The following WDR11 variants were observed in gnomAD, a reference collection of about 807,000 sequenced individuals.
WDR11 encodes the protein WD repeat domain 11, also known as WD repeat-containing protein 11.
In WDR11, 83 loss-of-function variants were observed where a neutral mutation model predicts 151.2. That is an observed-to-expected ratio of 0.55 (90% CI 0.46 to 0.66). The LOEUF (loss-of-function observed/expected upper bound fraction) is 0.66. Among genes scored for constraint, WDR11 ranks in the 30% least tolerant of loss-of-function variants. WDR11 has a pLI of 0.00. For missense variants in WDR11, 1,301 were observed against 1,480.9 expected, an observed-to-expected ratio of 0.88 and a Z score of 1.99; for synonymous variants, 484 against 533.1, an observed-to-expected ratio of 0.91 and a Z score of 1.27.
At chr10:120,886,627 A>C in intron 15 of WDR11, 62 bp from the exon 16 acceptor site, 1 of 1,585,782 alleles carries the variant, frequency 6.3e-7, no homozygotes, top group Non-Finnish European at 8.6e-7. Flanking sequence ...AAGTTAATTA[A>C]TTATGAGTAT....
At chr10:120,874,176 G>GGTTTTTT (rs777721880) in intron 11 of WDR11, among the ~76,000 whole-genome samples, 2 of 83,492 alleles carry the variant, frequency 2.4e-5, no homozygotes, top group African/African-American at 9.8e-5. Flanking sequence ...GGTTTTTGCA[G>GGTTTTTT]TTTTTTTTTT....
At chr10:120,866,931 T>G (rs1236789139) in intron 8 of WDR11, 135 bp from the exon 9 acceptor site, 1 of 1,042,990 alleles carries the variant, frequency 9.6e-7, no homozygotes, top group Non-Finnish European at 1.4e-6. Flanking sequence ...GCTAGAGCTA[T>G]TTCACCTATG....
At position 120,885,796 on chromosome 10, in the gene WDR11, T is replaced by A; in HGVS notation, c.1849-18T>A. 1 of 1,613,402 alleles carries A rather than the reference T, an allele frequency of 6.2e-7. No individual in the cohort carries two copies. Among genetic ancestry groups the A allele is most frequent in the Non-Finnish European group, 8.5e-7 (1 of 1,179,460 alleles). On this transcript the variant is annotated intron_variant, in intron 14 of 28. Transcript: ENST00000263461. Reference sequence around the variant, plus strand: ...AGGAAACCTAGCACTTCTAGGTTTGTCTGCATTTGCTTTACAGGAGTGGTC... The same window carrying A: ...AGGAAACCTAGCACTTCTAGGTTTGACTGCATTTGCTTTACAGGAGTGGTC...
intron 15 of WDR11, 22 bp from the exon 16 acceptor site, chr10:120,886,667 C>CAT (rs747021926): frequency 6.2e-7 from 1 of 1,611,554 alleles, no homozygotes; most frequent in African/African-American, 1.3e-5. Flanking sequence ...ACATCTTTAT[C>CAT]ATATGTTTCA....
Position 120,908,663 on chromosome 10 carries a change from G to GACTTATTGA in WDR11, c.3627_3635dup (p.Leu1210_Asn1212dup), listed in dbSNP as rs780983257. ...TTCAAAAGCCGGAGCAGCTGGCAAA[G>GACTTATTGA]ACTTATTGAATGAGCTTGAGTCCCC... is the stretch of plus-strand genomic sequence containing the variant. On this transcript the variant is annotated inframe_insertion, in exon 29 of 29. Transcript: ENST00000263461. 3 of 1,614,196 alleles carry GACTTATTGA rather than the reference G, an allele frequency of 1.9e-6. No individual in the cohort carries two copies. The highest frequency in any genetic ancestry group is 2.5e-6 in the Non-Finnish European group (3 of 1,180,030).
At chr10:120,885,274 T>TACAC (rs1456456025) in intron 14 of WDR11, 1,281 of 85,434 alleles carry the variant, frequency 0.015, 18 homozygotes, top group East Asian at 0.09. Context: ...GGATGAAGTA[T>TACAC]ATATATATAT....
In WDR11 at chr10:120,890,002, C is replaced by A; in HGVS notation, c.2336C>A (p.Thr779Asn). 6.2e-7 allele frequency: 1 copy of A among 1,601,966 alleles called. No individual in the cohort carries two copies. Among genetic ancestry groups the A allele is most frequent in the Non-Finnish European group, 8.6e-7 (1 of 1,169,170 alleles). ...MYNDGAEVWDTKEVQMVSSLR... is the reference protein window; with the variant it reads ...MYNDGAEVWDNKEVQMVSSLR... ...AATGATGGAGCTGAAGTGTGGGATA[C>A]TAAAGAGGTAGGCCCTCTCCATGAG... Residue 779 changes from threonine (T) to asparagine (N), a missense_variant, in exon 18 of 29, where the codon ACT (threonine) becomes AAT (asparagine). This residue lies in a region of WDR11 where 589 missense variants were observed against 670.6 expected (regional missense o/e 0.88). Coordinates refer to ENST00000263461, the MANE Select transcript of WDR11 (RefSeq NM_018117.12).
chr10:120,890,460 C>T (rs371764108), intron 18 of WDR11, among the ~76,000 whole-genome samples: 2 of 152,144 alleles, frequency 1.3e-5, no homozygotes, highest in African/African-American at 2.4e-5. Context: ...GTGATCTGCC[C>T]GCCTCAGCCT....
Position 120,873,883 on chromosome 10 carries a change from C to G in WDR11, c.1516C>G (p.Leu506Val). 6.2e-7 allele frequency: 1 copy of G among 1,613,312 alleles called. No homozygotes were observed. The change falls in exon 11 of 29, where the codon CTG becomes GTG. Residue 506 changes from leucine (L) to valine (V), a missense_variant. Transcript: ENST00000263461. ...SVLVYHLTSG[L>V]LHKELSIHSC... ...CCTGGTGTACCATCTCACCAGTGGT[C>G]TGCTACACAAAGAGTTAAGCATCCA...
chr10:120,865,755 G>T lies in WDR11; in HGVS notation c.994+11G>T. The T allele has an allele frequency of 6.5e-7, 1 of 1,531,088 alleles. No individual in the cohort carries two copies. Among genetic ancestry groups the T allele is most frequent in the Non-Finnish European group, 9.0e-7 (1 of 1,107,272 alleles). The allele number at this position is 1,531,088 out of a possible 1,614,324, so 94.8% of individuals were successfully genotyped here. A position where few individuals can be genotyped will look rare whatever the true frequency, so the allele number is the denominator to read the frequency against. Reference sequence around the variant, plus strand: ...CAAATGAGGAACCAGGTGAGTTTCTGTCTCACAATAATGTTATATTTTTCT... The same window carrying T: ...CAAATGAGGAACCAGGTGAGTTTCTTTCTCACAATAATGTTATATTTTTCT... On this transcript the variant is annotated intron_variant, in intron 7 of 28. Transcript: ENST00000263461.
In WDR11 at chr10:120,852,543, G is replaced by T; in HGVS notation, c.106G>T (p.Ala36Ser). The T allele has an allele frequency of 1.2e-6, 2 of 1,613,972 alleles. No individual in the cohort carries two copies. Among genetic ancestry groups the T allele is most frequent in the Non-Finnish European group, 1.7e-6 (2 of 1,179,946 alleles). Reference sequence around the variant, plus strand: ...TGCTAGGGGCTGGCAAGGTTTAATTGCTTATGGATGTCATTCACTTGTGGT... The same window carrying T: ...TGCTAGGGGCTGGCAAGGTTTAATTTCTTATGGATGTCATTCACTTGTGGT... Reference protein sequence around the residue: ...AVDWGWQGLIAYGCHSLVVVI... With the variant: ...AVDWGWQGLISYGCHSLVVVI... The change falls in exon 2 of 29, where the codon GCT (alanine) becomes TCT (serine). Residue 36 changes from alanine to serine, a missense_variant. Coordinates refer to ENST00000263461, the MANE Select transcript of WDR11 (RefSeq NM_018117.12).
intron 4 of WDR11, among the ~76,000 whole-genome samples, chr10:120,861,817 A>G (rs1325769151): frequency 6.6e-6 from 1 of 152,214 alleles, no homozygotes; most frequent in East Asian, 1.9e-4. Flanking sequence ...ATAAAAAGGC[A>G]TAATTTGTAT....
intron 12 of WDR11, chr10:120,878,908 GAATA>G (rs1415959701): frequency 2.6e-5 from 4 of 153,296 alleles, no homozygotes; most frequent in East Asian, 1.9e-4. Context: ...CTGGCTGAAT[GAATA>G]GAGAAACTTA....
Position 120,907,663 on chromosome 10 carries a change from T to C in WDR11, c.3517+808T>C, listed in dbSNP as rs558630236. 3 of 152,028 alleles carry C rather than the reference T, an allele frequency of 2.0e-5. No homozygotes were observed. In the South Asian group the frequency reaches 6.3e-4, roughly 32 times the overall value. 9.4% of individuals were successfully genotyped at this position (152,028 alleles called of 1,614,324 possible). ...CTAAAAATTTTTTTTTTCCTTTTTT[T>C]GAGGTAAGGTCTCACTCTTCTGCCC... is the stretch of plus-strand genomic sequence containing the variant. On this transcript the variant is annotated intron_variant, in intron 28 of 28. Transcript: ENST00000263461.
At position 120,859,449 on chromosome 10, in the gene WDR11, A is replaced by T. The variant is rs565407484; in HGVS notation, c.352+653A>T. On this transcript the variant is annotated intron_variant, in intron 3 of 28. Coordinates refer to ENST00000263461, the MANE Select transcript of WDR11 (RefSeq NM_018117.12). ...CACCCAGCTAATTTTTTGTATTTTT[A>T]GTAGAGACGGGGTTTTACCATGTTA... Among the ~76,000 whole-genome samples, 235 of 151,668 alleles carry T rather than the reference A, an allele frequency of 1.5e-3. 1 individual carries two copies. The South Asian group carries it at 0.02, about 13-fold the overall frequency.
At chr10:120,869,907 A>G (rs1182924212) in intron 9 of WDR11, among the ~76,000 whole-genome samples, 1 of 152,096 alleles carries the variant, frequency 6.6e-6, no homozygotes, top group Non-Finnish European at 1.5e-5. Context: ...CTCCTGCCTC[A>G]GCCCCATGAG....
chr10:120,868,645 C>T (rs943619822), intron 9 of WDR11: 2 of 152,098 alleles, frequency 1.3e-5, no homozygotes, highest in South Asian at 2.1e-4. Flanking sequence ...AAACTTTAAA[C>T]CACACAGTCA....
At chr10:120,903,735 T>C (rs1847927473) in intron 23 of WDR11, among the ~76,000 whole-genome samples, 1 of 152,210 alleles carries the variant, frequency 6.6e-6, no homozygotes, top group Admixed American at 6.5e-5. Context: ...ATACACTTGG[T>C]TTGAATTTGC....
At chr10:120,906,109 C>T (rs1188885407) in intron 27 of WDR11, 88 bp downstream of exon 27, 8 of 1,608,482 alleles carry the variant, frequency 5.0e-6, no homozygotes, top group East Asian at 2.2e-5. Context: ...TCATGGTACT[C>T]GATGTGTAAA....
Sources: gnomAD v4.1 joint callset for allele counts (sites outside exome capture counted in the v4.1 genomes callset) on GRCh38, gnomAD v4.1.1 for gene constraint, gnomAD v4.1.1 regional missense constraint, MANE v1.5 for transcripts, NCBI Gene and HGNC (gene_info 2026-07-23, HGNC 2026-07-21) for gene names.